PIEZO2: variants seen among roughly 807,000 people sequenced by gnomAD.
The protein encoded by PIEZO2 is piezo type mechanosensitive ion channel component 2.
Under a neutral mutation model 337.3 loss-of-function variants are expected in PIEZO2, and 172 were observed. The observed-to-expected ratio is 0.51, with a 90% CI of 0.45 to 0.58. The LOEUF is 0.58. Ranked by LOEUF, PIEZO2 falls within the 20% of genes least tolerant of loss-of-function variation. PIEZO2 has a pLI of 0.00. For synonymous variants in PIEZO2, 1,251 were observed against 1,228.5 expected, an observed-to-expected ratio of 1.02 and a Z score of -0.38; for missense variants, 3,028 against 3,391.3, an observed-to-expected ratio of 0.89 and a Z score of 2.66.
At chr18:10,927,692 T>G (rs769148645) in intron 3 of PIEZO2, among the ~76,000 whole-genome samples, 2 of 152,132 alleles carry the variant, frequency 1.3e-5, no homozygotes, top group Non-Finnish European at 2.9e-5. Flanking sequence ...TTTGAGGTAT[T>G]TAATCGTACC....
chr18:10,933,152 CA>C (rs1375572156), intron 3 of PIEZO2, among the ~76,000 whole-genome samples: 4 of 151,850 alleles, frequency 2.6e-5, no homozygotes, highest in Non-Finnish European at 5.9e-5. Context: ...GACAAGGCTA[CA>C]AGGTTGGAGA....
intron 3 of PIEZO2, among the ~76,000 whole-genome samples, chr18:10,921,760 C>T (rs1419055504): frequency 6.6e-6 from 1 of 152,170 alleles, no homozygotes; most frequent in East Asian, 1.9e-4. Flanking sequence ...AGAAATATCA[C>T]TGAATTCTTT....
At position 10,982,544 on chromosome 18, in the gene PIEZO2, ATT is replaced by A. The variant is rs2034710441; in HGVS notation, c.161-2886_161-2885del. Among the ~76,000 whole-genome samples the A allele has an allele frequency of 6.6e-6, 1 of 152,218 alleles. No homozygotes were observed. The highest frequency in any genetic ancestry group is 6.5e-5 in the Admixed American group (1 of 15,280). ...AAACTTTTACACCTTTGACAAGTAT[ATT>A]TCAAAATATGTAAGAAAAGAATGCT... On this transcript the variant is annotated intron_variant, in intron 2 of 55. Transcript: ENST00000674853. This position sits in a 1 kb window ranked among gnomAD's most constrained non-coding sequence, Gnocchi z 4.1.
In PIEZO2 at chr18:10,705,513, G is replaced by A. The variant is rs1325721225; in HGVS notation, c.5822C>T (p.Pro1941Leu). Residue 1941 changes from proline (P) to leucine (L), a missense_variant, in exon 41 of 56, where the codon CCA becomes CTA. This residue lies in a region of PIEZO2 where 1,925 missense variants were observed against 2,051.9 expected (regional missense o/e 0.94). Coordinates refer to ENST00000674853, the MANE Select transcript of PIEZO2 (RefSeq NM_001378183.1). ...FSTLDGDVEA[P>L]PSYSKAVSFE... ...GCTCACAGCCTTGCTGTAGGAGGGT[G>A]GGGCCTCCACATCCCCGTCCAAGGT... 1 of 1,537,232 alleles carries A rather than the reference G, an allele frequency of 6.5e-7. No individual in the cohort carries two copies. The highest frequency in any genetic ancestry group is 2.0e-5 in the Admixed American group (1 of 50,998).
rs140062685 is a variant in PIEZO2 at position 10,846,549 on chromosome 18, G to A, written c.917+8804C>T. On this transcript the variant is annotated intron_variant, in intron 7 of 55. Transcript: ENST00000674853. The surrounding 1 kb of genome is among the most constrained non-coding windows in gnomAD (Gnocchi z 4.1). ...CCTGAGAGGCCAATGTATGTCAGCAGTGTTAAATCCTGAGAGTACCAAAGC... is the reference window on the plus strand; with the variant it reads ...CCTGAGAGGCCAATGTATGTCAGCAATGTTAAATCCTGAGAGTACCAAAGC... Among the ~76,000 whole-genome samples, 271 of 152,300 alleles carry A rather than the reference G, an allele frequency of 1.8e-3. 1 individual carries two copies. The highest frequency in any genetic ancestry group is 6.1e-3 in the African/African-American group (252 of 41,560).
intron 4 of PIEZO2, among the ~76,000 whole-genome samples, chr18:10,896,312 G>T (rs2042900525): frequency 6.6e-6 from 1 of 152,034 alleles, no homozygotes; most frequent in Non-Finnish European, 1.5e-5. Context: ...TGACAATGTG[G>T]GGCGAGGCCT....
intron 49 of PIEZO2, among the ~76,000 whole-genome samples, chr18:10,688,294 A>T (rs1284067331): frequency 6.6e-6 from 1 of 152,114 alleles, no homozygotes; most frequent in African/African-American, 2.4e-5. Flanking sequence ...GCTGAGAATG[A>T]TGGCTTCCAC....
chr18:11,142,776 C>A lies in PIEZO2; in HGVS notation c.64+5749G>T, dbSNP rs1266256861. Reference sequence around the variant, plus strand: ...AGCCTAGGCATCAGAGTGAGATTATCGCAAAAAAAAAAAAAAAAAGGACCG... The same window carrying A: ...AGCCTAGGCATCAGAGTGAGATTATAGCAAAAAAAAAAAAAAAAAGGACCG... On this transcript the variant is annotated intron_variant, in intron 1 of 55. Transcript: ENST00000674853. 6.6e-3 allele frequency among the ~76,000 whole-genome samples: 201 copies of A among 30,596 alleles called. 3 individuals are homozygous for A. In the East Asian group the frequency reaches 0.2, roughly 30 times the overall value. 20.1% of individuals were successfully genotyped at this position (30,596 alleles called of 152,430 possible). A position where few individuals can be genotyped will look rare whatever the true frequency, so the allele number is the denominator to read the frequency against.
intron 49 of PIEZO2, among the ~76,000 whole-genome samples, chr18:10,683,002 T>C (rs1362385399): frequency 6.6e-6 from 1 of 152,188 alleles, no homozygotes; most frequent in Non-Finnish European, 1.5e-5. Flanking sequence ...CAAGTGGAAA[T>C]TGGAGCTGTG....
rs202118432 is a variant in PIEZO2, at chr18:10,782,845, T to C, written c.2492+1939A>G. ...AGAACCTGCATAGGCTAAACACTGC[T>C]ATACACGCTTAAAGGGAATTCTGTG... On this transcript the variant is annotated intron_variant, in intron 17 of 55. Transcript: ENST00000674853. Among the ~76,000 whole-genome samples, 42 of 152,276 alleles carry C rather than the reference T, an allele frequency of 2.8e-4. No individual in the cohort carries two copies. The East Asian group carries it at 5.4e-3, about 20-fold the overall frequency.
chr18:10,695,265 GA>G (rs1888297643), intron 47 of PIEZO2, among the ~76,000 whole-genome samples: 1 of 152,224 alleles, frequency 6.6e-6, no homozygotes, highest in South Asian at 2.1e-4. Context: ...CAGAGATCTC[GA>G]GAGTAAGGAG....
chr18:10,880,879 ATATATATATATATATATATAT>A (rs1568159645), intron 4 of PIEZO2, among the ~76,000 whole-genome samples: 8 of 88,882 alleles, frequency 9.0e-5, no homozygotes, highest in Admixed American at 4.3e-4. Context: ...ATATATATAT[ATATATATATATATATATATAT>A]AATTTTGATA....
At position 10,982,250 on chromosome 18, in the gene PIEZO2, T is replaced by C. The variant is rs2034695693; in HGVS notation, c.161-2590A>G. ...CTCTAGAGGGACAGGACTAATAAGA[T>C]AGATGCATATATCAAAGGGAGTTTA... is the stretch of plus-strand genomic sequence containing the variant. On this transcript the variant is annotated intron_variant, in intron 2 of 55. Coordinates refer to ENST00000674853, the MANE Select transcript of PIEZO2 (RefSeq NM_001378183.1). The surrounding 1 kb of genome is among the most constrained non-coding windows in gnomAD (Gnocchi z 4.1). Among the ~76,000 whole-genome samples, 1 of 152,118 alleles carries C rather than the reference T, an allele frequency of 6.6e-6. No homozygotes were observed. Among genetic ancestry groups the C allele is most frequent in the African/African-American group, 2.4e-5 (1 of 41,426 alleles).
chr18:10,983,392 G>A (rs1056960776), intron 2 of PIEZO2, among the ~76,000 whole-genome samples: 1 of 152,092 alleles, frequency 6.6e-6, no homozygotes, highest in African/African-American at 2.4e-5. Flanking sequence ...CCCTCAAGGT[G>A]GCACAACTTG....
chr18:10,994,026 G>A (rs1470174874), intron 2 of PIEZO2, among the ~76,000 whole-genome samples: 10 of 152,148 alleles, frequency 6.6e-5, no homozygotes, highest in South Asian at 2.1e-4. Context: ...TTCCCCCTGC[G>A]TCCACAAAGT....
At chr18:10,951,500 C>A (rs568961792) in intron 3 of PIEZO2, among the ~76,000 whole-genome samples, 4 of 152,188 alleles carry the variant, frequency 2.6e-5, no homozygotes, top group Non-Finnish European at 5.9e-5. Flanking sequence ...AAAATTCACA[C>A]CGTTGCCAGA....
At chr18:10,998,199 C>T (rs1021301200) in intron 2 of PIEZO2, among the ~76,000 whole-genome samples, 1 of 152,022 alleles carries the variant, frequency 6.6e-6, no homozygotes, top group Non-Finnish European at 1.5e-5. Flanking sequence ...AAAATATCCT[C>T]AGAGGAAGGA....
In PIEZO2 at chr18:11,112,873, C is replaced by T. The variant is rs1568384310; in HGVS notation, c.64+35652G>A. ...TGTGCAGAATTCAAATATCCTGATC[C>T]TCAGGTTCTCTCAAACAGTCTCTGG... On this transcript the variant is annotated intron_variant, in intron 1 of 55. Transcript: ENST00000674853. This position sits in a 1 kb window ranked among gnomAD's most constrained non-coding sequence, Gnocchi z 4.3. Among the ~76,000 whole-genome samples the T allele has an allele frequency of 6.6e-6, 1 of 152,166 alleles. No individual in the cohort carries two copies. The highest frequency in any genetic ancestry group is 1.9e-4 in the East Asian group (1 of 5,186).
intron 7 of PIEZO2, among the ~76,000 whole-genome samples, chr18:10,814,177 G>A (rs931928796): frequency 2.0e-5 from 3 of 152,052 alleles, no homozygotes; most frequent in East Asian, 1.9e-4. Context: ...CACTGTGTTA[G>A]CCAGGATGGT....
Sources: allele counts gnomAD v4.1 joint callset (sites outside exome capture counted in the v4.1 genomes callset), GRCh38; gene constraint gnomAD v4.1.1; regional missense constraint gnomAD v4.1.1; non-coding constraint Gnocchi (gnomAD v3.1); transcripts MANE v1.5; gene names NCBI Gene and HGNC (gene_info 2026-07-23, HGNC 2026-07-21).